The following NALF1 variants were observed in gnomAD, a reference collection of about 807,000 sequenced individuals.
NALF1 encodes the protein NALCN channel auxiliary factor 1, also known as family with sequence similarity 155 member A.
A neutral mutation model predicts 48.4 loss-of-function variants in NALF1; 3 were observed. The observed-to-expected ratio is 0.06, with a 90% CI of 0.03 to 0.16. The LOEUF (loss-of-function observed/expected upper bound fraction) is 0.16, where lower values mean the gene tolerates loss of function less well. Ranked by LOEUF, NALF1 falls within the 10% of genes least tolerant of loss-of-function variation. NALF1 has a pLI of 1.00. For missense variants in NALF1, 526 were observed against 571.5 expected (o/e 0.92, Z 0.81); for synonymous variants, 262 against 245.7 (o/e 1.07, Z -0.62).
At chr13:107,703,568 T>C (rs1881877229) in intron 1 of NALF1, among the ~76,000 whole-genome samples, 2 of 152,168 alleles carry the variant, frequency 1.3e-5, no homozygotes, top group Admixed American at 1.3e-4. Context: ...TTGGCCAGAC[T>C]GGTCTCGAAC....
chr13:107,631,742 T>C (rs1238501985), intron 1 of NALF1, among the ~76,000 whole-genome samples: 2 of 152,120 alleles, frequency 1.3e-5, no homozygotes, highest in Non-Finnish European at 2.9e-5. Context: ...CCTCTACATA[T>C]GCTTGCTGAA....
At chr13:107,192,601 C>T (rs1461364281) in intron 2 of NALF1, among the ~76,000 whole-genome samples, 4 of 152,142 alleles carry the variant, frequency 2.6e-5, no homozygotes, top group Admixed American at 2.6e-4. Flanking sequence ...TTTGTTACTA[C>T]TCTAATTTAT....
At chr13:107,797,190 A>T (rs924991420) in intron 1 of NALF1, among the ~76,000 whole-genome samples, 1 of 150,270 alleles carries the variant, frequency 6.7e-6, no homozygotes, top group Non-Finnish European at 1.5e-5. Flanking sequence ...ATTCCTCATC[A>T]CCTCCCATTT....
At chr13:107,849,537 C>G (rs76569829) in intron 1 of NALF1, among the ~76,000 whole-genome samples, 10,600 of 152,166 alleles carry the variant, frequency 0.07, 453 homozygotes, top group East Asian at 0.18. Context: ...CCCAAGGCCT[C>G]TCTATGAGGC....
At position 107,643,852 on chromosome 13, in the gene NALF1, G is replaced by A. The variant is rs1880231123; in HGVS notation, c.915+221830C>T. Among the ~76,000 whole-genome samples the A allele has an allele frequency of 1.3e-5, 2 of 151,996 alleles. 1 individual carries two copies. Among genetic ancestry groups the A allele is most frequent in the South Asian group, 4.1e-4 (2 of 4,820 alleles). ...ATTCACTTCCTGTGCAGCCTCAAGGGAGATCCAGGTGGGTCAGAGCTTGGT... is the reference window on the plus strand; with the variant it reads ...ATTCACTTCCTGTGCAGCCTCAAGGAAGATCCAGGTGGGTCAGAGCTTGGT... On this transcript the variant is annotated intron_variant, in intron 1 of 2. Transcript: ENST00000375915.
intron 1 of NALF1, among the ~76,000 whole-genome samples, chr13:107,505,932 G>A (rs1302781347): frequency 6.6e-6 from 1 of 152,068 alleles, no homozygotes; most frequent in African/African-American, 2.4e-5. Context: ...GGTTTGCCTC[G>A]TGACAGATAA....
intron 1 of NALF1, among the ~76,000 whole-genome samples, chr13:107,497,501 C>T (rs1181276735): frequency 6.6e-6 from 1 of 152,118 alleles, no homozygotes; most frequent in Non-Finnish European, 1.5e-5. Context: ...TGCTGATCAC[C>T]AGGTTTATCT....
rs140275824 is a variant in NALF1, at chr13:107,222,428, T to C, written c.916-11673A>G. On this transcript the variant is annotated intron_variant, in intron 1 of 2. Coordinates refer to ENST00000375915, the MANE Select transcript of NALF1 (RefSeq NM_001080396.3). The stretch of plus-strand genomic sequence containing the variant: ...TCATTTATATACACATGAACTGTTA[T>C]ATAATGTGTACATTATACAACACAC... Among the ~76,000 whole-genome samples, 22 of 152,346 alleles carry C rather than the reference T, an allele frequency of 1.4e-4. No individual in the cohort carries two copies. The East Asian group carries it at 4.2e-3, about 29-fold the overall frequency.
At position 107,430,892 on chromosome 13, in the gene NALF1, T is replaced by C. The variant is rs181112975; in HGVS notation, c.916-220137A>G. 4.9e-4 allele frequency among the ~76,000 whole-genome samples: 75 copies of C among 152,314 alleles called. No homozygotes were observed. In the East Asian group the frequency reaches 0.01, roughly 21 times the overall value. ...ATCGCCACACTGACTTCCACAACGG[T>C]TGAACTAGTTTACAGCCCCACCAAC... is the stretch of plus-strand genomic sequence containing the variant. On this transcript the variant is annotated intron_variant, in intron 1 of 2. Coordinates refer to ENST00000375915, the MANE Select transcript of NALF1 (RefSeq NM_001080396.3).
chr13:107,366,197 A>T (rs1883148691), intron 1 of NALF1, among the ~76,000 whole-genome samples: 1 of 152,196 alleles, frequency 6.6e-6, no homozygotes, highest in African/African-American at 2.4e-5. Flanking sequence ...TCTGGGACTG[A>T]TGGTTTCTGT....
At chr13:107,316,909 A>G (rs1882161145) in intron 1 of NALF1, among the ~76,000 whole-genome samples, 2 of 152,128 alleles carry the variant, frequency 1.3e-5, no homozygotes, top group African/African-American at 2.4e-5. Flanking sequence ...TAACACCTAA[A>G]TCTTCAGTTA....
intron 1 of NALF1, among the ~76,000 whole-genome samples, chr13:107,720,846 T>A (rs1451824204): frequency 6.6e-6 from 1 of 152,116 alleles, no homozygotes; most frequent in East Asian, 1.9e-4. Context: ...TTGAAACACA[T>A]CTGTTTACGC....
At chr13:107,363,308 T>C (rs1883097596) in intron 1 of NALF1, among the ~76,000 whole-genome samples, 2 of 152,188 alleles carry the variant, frequency 1.3e-5, no homozygotes, top group Non-Finnish European at 2.9e-5. Context: ...TAAAACATGG[T>C]TTTGGCTGGG....
intron 1 of NALF1, among the ~76,000 whole-genome samples, chr13:107,373,096 C>T (rs7489645): frequency 0.54 from 81,965 of 151,902 alleles, 22,553 homozygotes; most frequent in East Asian, 0.68. Flanking sequence ...ATGACATGAG[C>T]AATTATGCAT....
chr13:107,390,755 C>T (rs4337166), intron 1 of NALF1, among the ~76,000 whole-genome samples: 62,700 of 151,678 alleles, frequency 0.41, 13,016 homozygotes, highest in Middle Eastern at 0.5. Context: ...AAGTAAATTG[C>T]CAGACTTCAC....
chr13:107,478,838 T>G (rs1885211967), intron 1 of NALF1, among the ~76,000 whole-genome samples: 1 of 152,130 alleles, frequency 6.6e-6, no homozygotes, highest in Non-Finnish European at 1.5e-5. Context: ...TTATGTAACG[T>G]ATTACAGAGT....
At chr13:107,675,510 T>C (rs1433731413) in intron 1 of NALF1, among the ~76,000 whole-genome samples, 5 of 152,250 alleles carry the variant, frequency 3.3e-5, no homozygotes, top group Non-Finnish European at 7.3e-5. Context: ...CGTTTCTTTT[T>C]CTTGAATCGC....
At chr13:107,417,415 T>C (rs963875647) in intron 1 of NALF1, among the ~76,000 whole-genome samples, 2 of 143,312 alleles carry the variant, frequency 1.4e-5, no homozygotes, top group African/African-American at 4.9e-5. Context: ...TATCTTCATC[T>C]AACAACCCCA....
intron 1 of NALF1, among the ~76,000 whole-genome samples, chr13:107,766,789 G>C (rs1170716106): frequency 6.6e-6 from 1 of 152,186 alleles, no homozygotes; most frequent in Non-Finnish European, 1.5e-5. Context: ...ATTTAAAGCA[G>C]TTCACAGAAA....
Sources: gnomAD v4.1 joint callset for allele counts (sites outside exome capture counted in the v4.1 genomes callset) on GRCh38, gnomAD v4.1.1 for gene constraint, MANE v1.5 for transcripts, NCBI Gene and HGNC (gene_info 2026-07-23, HGNC 2026-07-21) for gene names.